ZFAT: variants seen among roughly 807,000 people sequenced by gnomAD.
ZFAT encodes zinc finger protein ZFAT.
A neutral mutation model predicts 117.7 loss-of-function variants in ZFAT; 64 were observed. The ratio of observed to expected loss-of-function variants is 0.54; its 90% CI spans 0.44 to 0.67. The LOEUF (loss-of-function observed/expected upper bound fraction) is 0.67, where lower values mean the gene tolerates loss of function less well. ZFAT is among the 30% of genes least tolerant of loss of function. The pLI is 0.00. For missense variants in ZFAT, 1,433 were observed against 1,584.5 expected, an observed-to-expected ratio of 0.90 and a Z score of 1.62; for synonymous variants, 679 against 615.0, an observed-to-expected ratio of 1.10 and a Z score of -1.54.
the ZFAT span, among the ~76,000 whole-genome samples, chr8:134,762,838 G>A: frequency 6.6e-6 from 1 of 152,132 alleles, no homozygotes; most frequent in African/African-American, 2.4e-5. Flanking sequence ...TGAAAAACCT[G>A]CTTTTTCCCA....
At chr8:134,750,561 G>A in the ZFAT span, among the ~76,000 whole-genome samples, 55 of 152,140 alleles carry the variant, frequency 3.6e-4, no homozygotes, top group Admixed American at 5.9e-4. Flanking sequence ...TGTTTTAAAT[G>A]GCAAATAAAA....
rs374767571 is a variant in ZFAT at position 134,602,329 on chromosome 8, G to C, written c.1390C>G (p.Arg464Gly). The C allele has an allele frequency of 9.9e-6, 16 of 1,613,760 alleles. No individual in the cohort carries two copies. Among genetic ancestry groups the C allele is most frequent in the Non-Finnish European group, 1.3e-5 (15 of 1,180,056 alleles). Residue 464 changes from arginine to glycine, a missense_variant, in exon 6 of 16, where the codon CGC becomes GGC. This residue lies in a region of ZFAT where 73 missense variants were observed against 122.0 expected (regional missense o/e 0.60). Transcript: ENST00000377838. ...CTGATGGAGCTGACGAACTTCTTGC[G>C]GCAGACGGCACAGACGTACACGAAG... ...HPFVYVCAVCRKKFVSSIRLR... is the reference protein window; with the variant it reads ...HPFVYVCAVCGKKFVSSIRLR...
intron 2 of ZFAT, among the ~76,000 whole-genome samples, chr8:134,647,353 A>G (rs934618880): frequency 2.0e-5 from 3 of 152,192 alleles, no homozygotes; most frequent in African/African-American, 4.8e-5. Context: ...AAAAAACTAG[A>G]TAACAAGGAA....
At chr8:134,742,352 C>A in the ZFAT span, among the ~76,000 whole-genome samples, 20 of 152,244 alleles carry the variant, frequency 1.3e-4, 3 homozygotes, top group Admixed American at 1.1e-3. Flanking sequence ...GCTGGGTCAA[C>A]CAGGTGAGAG....
At chr8:134,677,571 G>T (rs996827739) in intron 1 of ZFAT, among the ~76,000 whole-genome samples, 5 of 152,036 alleles carry the variant, frequency 3.3e-5, no homozygotes, top group African/African-American at 1.2e-4. Flanking sequence ...GAAAAAGAGG[G>T]AATCCTCCCT....
At chr8:134,509,146 T>G (rs1819628732) in intron 15 of ZFAT, among the ~76,000 whole-genome samples, 3 of 152,180 alleles carry the variant, frequency 2.0e-5, no homozygotes. Context: ...AAACTGATCA[T>G]CTCTTCCTAC....
chr8:134,583,995 G>C lies in ZFAT; in HGVS notation c.2724C>G (p.Pro908=), dbSNP rs1398375831. 6.4e-7 allele frequency: 1 copy of C among 1,555,390 alleles called. No homozygotes were observed. The highest frequency in any genetic ancestry group is 8.7e-7 in the Non-Finnish European group (1 of 1,148,738). Residue 908 remains proline, a synonymous_variant, in exon 10 of 16, where the codon CCC becomes CCG. Transcript: ENST00000377838. ...CATACTCACACAAAGAACACTTGAAGGGCTTCACACCTGCCAAGGGAAAAA... is the reference window on the plus strand; with the variant it reads ...CATACTCACACAAAGAACACTTGAACGGCTTCACACCTGCCAAGGGAAAAA... ...RHIWAHEGVK[P]FKCSLCEYAT...
At chr8:134,654,664 G>A (rs1831483128) in intron 2 of ZFAT, among the ~76,000 whole-genome samples, 1 of 152,244 alleles carries the variant, frequency 6.6e-6, no homozygotes, top group African/African-American at 2.4e-5. Flanking sequence ...AAAAGCCACT[G>A]AAGTTTCTTG....
chr8:134,699,837 C>G (rs879591547), intron 1 of ZFAT, among the ~76,000 whole-genome samples: 6 of 152,352 alleles, frequency 3.9e-5, no homozygotes, highest in African/African-American at 1.4e-4. Flanking sequence ...TGGTTAAGAA[C>G]GTGAGTGCTA....
the ZFAT span, among the ~76,000 whole-genome samples, chr8:134,802,543 T>G: frequency 6.6e-6 from 1 of 152,196 alleles, no homozygotes; most frequent in Non-Finnish European, 1.5e-5. Flanking sequence ...CAAGAATATT[T>G]GTACAAAAGC....
the ZFAT span, among the ~76,000 whole-genome samples, chr8:134,739,448 A>G: frequency 1.3e-5 from 2 of 152,228 alleles, no homozygotes; most frequent in Non-Finnish European, 2.9e-5. Flanking sequence ...TTCTGCTACT[A>G]GTTAGCTTCA....
At chr8:134,591,770 A>G (rs1826523824) in intron 7 of ZFAT, among the ~76,000 whole-genome samples, 1 of 152,194 alleles carries the variant, frequency 6.6e-6, no homozygotes, top group South Asian at 2.1e-4. Flanking sequence ...CTGCCAGCCA[A>G]GAAATGCCAA....
At chr8:134,666,184 T>C (rs1477310437) in intron 1 of ZFAT, among the ~76,000 whole-genome samples, 2 of 152,154 alleles carry the variant, frequency 1.3e-5, no homozygotes, top group Non-Finnish European at 2.9e-5. Context: ...GTTGGGAGCC[T>C]GAACTCCCAC....
chr8:134,774,928 C>T, the ZFAT span, among the ~76,000 whole-genome samples: 3 of 151,874 alleles, frequency 2.0e-5, no homozygotes, highest in African/African-American at 7.2e-5. Context: ...ACCAGCCTGA[C>T]CAAGATGGTG....
At chr8:134,573,812 A>C (rs975637506) in intron 10 of ZFAT, among the ~76,000 whole-genome samples, 1 of 152,192 alleles carries the variant, frequency 6.6e-6, no homozygotes, top group Non-Finnish European at 1.5e-5. Flanking sequence ...TGACTGATGA[A>C]GCAAAGCTGA....
At chr8:134,541,128 C>T (rs1021547596) in intron 11 of ZFAT, among the ~76,000 whole-genome samples, 2 of 152,110 alleles carry the variant, frequency 1.3e-5, no homozygotes, top group African/African-American at 4.8e-5. Context: ...TGGAGATAGC[C>T]ATGCATATAG....
the ZFAT span, chr8:134,797,774 T>C: frequency 2.4e-4 from 37 of 151,958 alleles, no homozygotes; most frequent in Non-Finnish European, 4.4e-4. Context: ...ATAAAAATTC[T>C]AAATGTGAAA....
chr8:134,733,564 C>T, the ZFAT span, among the ~76,000 whole-genome samples: 20 of 152,222 alleles, frequency 1.3e-4, no homozygotes, highest in Admixed American at 1.2e-3. Context: ...AACAAACTGG[C>T]CTGTGGGTAA....
intron 12 of ZFAT, among the ~76,000 whole-genome samples, chr8:134,527,476 T>G (rs980311482): frequency 6.6e-6 from 1 of 152,214 alleles, no homozygotes; most frequent in South Asian, 2.1e-4. Flanking sequence ...TGTATTAGAT[T>G]AACAAGTGAA....
Sources: gnomAD v4.1 joint callset for allele counts (sites outside exome capture counted in the v4.1 genomes callset) on GRCh38, gnomAD v4.1.1 for gene constraint, gnomAD v4.1.1 regional missense constraint, MANE v1.5 for transcripts, NCBI Gene and HGNC (gene_info 2026-07-23, HGNC 2026-07-21) for gene names.